Variants in C15orf61 observed in about 807,000 individuals in gnomAD.
The protein encoded by C15orf61 is chromosome 15 open reading frame 61.
Under a neutral mutation model 13.7 loss-of-function variants are expected in C15orf61, and 12 were observed. The observed-to-expected ratio is 0.88, with a 90% confidence interval of 0.56 to 1.42. The LOEUF (loss-of-function observed/expected upper bound fraction) is 1.42, where lower values mean the gene tolerates loss of function less well. Among genes scored for constraint, C15orf61 ranks in the 40% most tolerant of loss-of-function variants. C15orf61 has a pLI of 0.00. For synonymous variants in C15orf61, 92 were observed against 94.1 expected, an observed-to-expected ratio of 0.98 and a Z score of 0.13; for missense variants, 248 against 213.2, an observed-to-expected ratio of 1.16 and a Z score of -1.02.
Position 67,526,499 on chromosome 15 carries a change from T to A in C15orf61, c.428T>A (p.Ile143Lys), listed in dbSNP as rs1464745185. ...TETVHTSYGPITVYFLNKEDE... is the reference protein window; with the variant it reads ...TETVHTSYGPKTVYFLNKEDE... Reference sequence around the variant, plus strand: ...ACTGTGCATACCAGTTATGGACCCATAACAGTTTATTTTCTCAATAAAGAA... The same window carrying A: ...ACTGTGCATACCAGTTATGGACCCAAAACAGTTTATTTTCTCAATAAAGAA... Residue 143 changes from isoleucine to lysine, a missense_variant, in exon 2 of 2, where the codon ATA (isoleucine) becomes AAA (lysine). By Grantham distance (102) the Ile-to-Lys change is moderately radical. Transcript: ENST00000342683. 6.5e-7 allele frequency: 1 copy of A among 1,540,920 alleles called. No individual in the cohort carries two copies. The highest frequency in any genetic ancestry group is 8.8e-7 in the Non-Finnish European group (1 of 1,140,328).
chr15:67,521,889 G>C (rs770802205), intron 1 of C15orf61: 7 of 655,034 alleles, frequency 1.1e-5, no homozygotes, highest in Non-Finnish European at 1.9e-5. Context: ...CCTGGCCTGG[G>C]CAGTAAGCCA....
At chr15:67,522,106 A>C in intron 1 of C15orf61, 1 of 701,814 alleles carries the variant, frequency 1.4e-6, no homozygotes, top group Non-Finnish European at 2.6e-6. Flanking sequence ...TTCACCAGAC[A>C]TAACAGCTTC....
At position 67,526,407 on chromosome 15, in the gene C15orf61, T is replaced by C; in HGVS notation, c.347-11T>C. The C allele has an allele frequency of 6.7e-7, 1 of 1,501,210 alleles. No homozygotes were observed. Among genetic ancestry groups the C allele is most frequent in the Non-Finnish European group, 9.0e-7 (1 of 1,106,514 alleles). The allele number at this position is 1,501,210 out of a possible 1,614,324, so 93.0% of individuals were successfully genotyped here. A position where few individuals can be genotyped will look rare whatever the true frequency, so the allele number is the denominator to read the frequency against. ...AGCATTGATGTTTATACATATTCGT[T>C]TGTTTTCTAGGTATTCCAACTTTAT... On this transcript the variant is annotated splice_polypyrimidine_tract_variant and intron_variant, in intron 1 of 1. Transcript: ENST00000342683.
At chr15:67,524,150 C>T (rs951148905) in intron 1 of C15orf61, among the ~76,000 whole-genome samples, 1 of 152,128 alleles carries the variant, frequency 6.6e-6, no homozygotes, top group African/African-American at 2.4e-5. Flanking sequence ...AATTTATATA[C>T]TTAGCCTTGG....
In C15orf61 at chr15:67,526,658, T is replaced by C; in HGVS notation, c.*113T>C. The C allele has an allele frequency of 9.3e-7, 1 of 1,075,778 alleles. No individual in the cohort carries two copies. The highest frequency in any genetic ancestry group is 1.3e-6 in the Non-Finnish European group (1 of 799,932). 66.6% of individuals were successfully genotyped at this position (1,075,778 alleles called of 1,614,324 possible). ...TGCAAATACTTTTTTCTTTCTACAG[T>C]ATCTGCTTCTTTAAGATGAATCATT... On this transcript the variant is annotated 3_prime_UTR_variant, in exon 2 of 2. Coordinates refer to ENST00000342683, the MANE Select transcript of C15orf61 (RefSeq NM_001143936.2).
rs568971983 is a variant in C15orf61, at chr15:67,525,010, A to AT, written c.347-1402dup. Among the ~76,000 whole-genome samples the AT allele has an allele frequency of 6.6e-6, 1 of 151,580 alleles. No homozygotes were observed. Among genetic ancestry groups the AT allele is most frequent in the Non-Finnish European group, 1.5e-5 (1 of 67,918 alleles). ...CGCCATCACGCCCAGCTAATTTTGTATTTTTTGTAGAGACGGGGTTTCTCC... is the reference window on the plus strand; with the variant it reads ...CGCCATCACGCCCAGCTAATTTTGTATTTTTTTGTAGAGACGGGGTTTCTCC... On this transcript the variant is annotated intron_variant, in intron 1 of 1. Coordinates refer to ENST00000342683, the MANE Select transcript of C15orf61 (RefSeq NM_001143936.2). The surrounding 1 kb of genome is among the most constrained non-coding windows in gnomAD (Gnocchi z 4.9).
At chr15:67,523,864 G>A (rs1567252950) in intron 1 of C15orf61, among the ~76,000 whole-genome samples, 1 of 151,908 alleles carries the variant, frequency 6.6e-6, no homozygotes, top group East Asian at 1.9e-4. Flanking sequence ...AGACAGCAAG[G>A]GGAAAAAAAT....
chr15:67,526,562 A>T lies in C15orf61; in HGVS notation c.*17A>T. The T allele has an allele frequency of 6.7e-7, 1 of 1,495,878 alleles. No homozygotes were observed. The allele number at this position is 1,495,878 out of a possible 1,614,324, so 92.7% of individuals were successfully genotyped here. A position where few individuals can be genotyped will look rare whatever the true frequency, so the allele number is the denominator to read the frequency against. ...ATGTATTGAAAGTGTGCGTCAAAGA[A>T]CATAAATATCAGTGGATTTTCTCTG... On this transcript the variant is annotated 3_prime_UTR_variant, in exon 2 of 2. Coordinates refer to ENST00000342683, the MANE Select transcript of C15orf61 (RefSeq NM_001143936.2).
intron 1 of C15orf61, chr15:67,521,846 C>T (rs1216827733): frequency 3.3e-6 from 2 of 614,448 alleles, no homozygotes; most frequent in Non-Finnish European, 5.7e-6. Context: ...GCGGGTCGCC[C>T]TCCTGTCCTG....
Position 67,521,407 on chromosome 15 carries a change from G to T in C15orf61, c.159G>T (p.Val53=). ...RRLPHWTSFC[V]PYSAVRNDQF... is the part of the protein sequence containing the mutation. ...TGCCGCACTGGACCTCCTTCTGCGT[G>T]CCCTACAGCGCCGTCCGCAACGACC... The change falls in exon 1 of 2, where the codon GTG becomes GTT. Residue 53 remains valine (V), a synonymous_variant. Transcript: ENST00000342683. 2.6e-6 allele frequency: 4 copies of T among 1,543,502 alleles called. No homozygotes were observed. The highest frequency in any genetic ancestry group is 3.5e-6 in the Non-Finnish European group (4 of 1,146,526).
chr15:67,528,368 A>G lies in C15orf61; in HGVS notation c.*1823A>G, dbSNP rs910280098. On this transcript the variant is annotated 3_prime_UTR_variant, in exon 2 of 2. Transcript: ENST00000342683. The stretch of plus-strand genomic sequence containing the variant: ...TCTGTAATTCTCTGCTGCTTGCAGC[A>G]TTAAACAGGGCCTTGATTTCTTGTC... 1.3e-5 allele frequency: 2 copies of G among 152,248 alleles called. No individual in the cohort carries two copies. Among genetic ancestry groups the G allele is most frequent in the Non-Finnish European group, 2.9e-5 (2 of 68,038 alleles). 9.4% of individuals were successfully genotyped at this position (152,248 alleles called of 1,614,324 possible).
Position 67,526,431 on chromosome 15 carries a change from A to T in C15orf61, c.360A>T (p.Leu120Phe). ...TTTGTTTTCTAGGTATTCCAACTTTATTATATGGACTTGGCTCCTGGTTAT... is the reference window on the plus strand; with the variant it reads ...TTTGTTTTCTAGGTATTCCAACTTTTTTATATGGACTTGGCTCCTGGTTAT... ...LKVVNLGIPT[L>F]LYGLGSWLFA... Residue 120 changes from leucine (L) to phenylalanine (F), a missense_variant, in exon 2 of 2, where the codon TTA becomes TTT. Coordinates refer to ENST00000342683, the MANE Select transcript of C15orf61 (RefSeq NM_001143936.2). 1 of 1,528,830 alleles carries T rather than the reference A, an allele frequency of 6.5e-7. No individual in the cohort carries two copies. The highest frequency in any genetic ancestry group is 8.9e-7 in the Non-Finnish European group (1 of 1,127,976). 94.7% of individuals were successfully genotyped at this position (1,528,830 alleles called of 1,614,324 possible).
At position 67,527,197 on chromosome 15, in the gene C15orf61, T is replaced by A. The variant is rs2084203667; in HGVS notation, c.*652T>A. 1 of 152,180 alleles carries A rather than the reference T, an allele frequency of 6.6e-6. No homozygotes were observed. Among genetic ancestry groups the A allele is most frequent in the Non-Finnish European group, 1.5e-5 (1 of 68,004 alleles). The allele number at this position is 152,180 out of a possible 1,614,324, so 9.4% of individuals were successfully genotyped here. On this transcript the variant is annotated 3_prime_UTR_variant, in exon 2 of 2. Coordinates refer to ENST00000342683, the MANE Select transcript of C15orf61 (RefSeq NM_001143936.2). ...ATAAGTGTAGCAAGGTGAATGAAAC[T>A]CAGACTTATTAAAAGTTAAAACAGC...
rs144572201 is a variant in C15orf61 at position 67,525,774 on chromosome 15, G to A, written c.347-644G>A. ...TCACACCTGTAATCCCAGCACTTTC[G>A]GAGGCCTAGGCCCAGGATCACAAGG... On this transcript the variant is annotated intron_variant, in intron 1 of 1. Transcript: ENST00000342683. The surrounding 1 kb of genome is among the most constrained non-coding windows in gnomAD (Gnocchi z 4.9). Among the ~76,000 whole-genome samples the A allele has an allele frequency of 3.4e-3, 519 of 152,260 alleles. 1 individual carries two copies. The highest frequency in any genetic ancestry group is 5.2e-3 in the African/African-American group (214 of 41,544).
rs529047844 is a variant in C15orf61, at chr15:67,525,168, C to G, written c.347-1250C>G. On this transcript the variant is annotated intron_variant, in intron 1 of 1. Coordinates refer to ENST00000342683, the MANE Select transcript of C15orf61 (RefSeq NM_001143936.2). The surrounding 1 kb of genome is among the most constrained non-coding windows in gnomAD (Gnocchi z 4.9). ...TTATTACTAGAAAGAAAGTGATTTTCCAAATGTACAGCTATCCTTTTAAAG... is the reference window on the plus strand; with the variant it reads ...TTATTACTAGAAAGAAAGTGATTTTGCAAATGTACAGCTATCCTTTTAAAG... Among the ~76,000 whole-genome samples, 2 of 152,294 alleles carry G rather than the reference C, an allele frequency of 1.3e-5. No individual in the cohort carries two copies. The highest frequency in any genetic ancestry group is 1.3e-4 in the Admixed American group (2 of 15,294).
intron 1 of C15orf61, among the ~76,000 whole-genome samples, chr15:67,522,489 T>C (rs894370280): frequency 6.6e-6 from 1 of 152,278 alleles, no homozygotes; most frequent in Non-Finnish European, 1.5e-5. Flanking sequence ...TTAAAAATAG[T>C]CTGTGTATTT....
At position 67,528,636 on chromosome 15, in the gene C15orf61, A is replaced by G. The variant is rs1192937177; in HGVS notation, c.*2091A>G. On this transcript the variant is annotated 3_prime_UTR_variant, in exon 2 of 2. Transcript: ENST00000342683. ...TTAAGTTTTTTCTTTAAAGCTGCAT[A>G]TTACACCAAAGTATTATGGCCTGAA... The G allele has an allele frequency of 6.6e-6, 1 of 152,188 alleles. No homozygotes were observed. The highest frequency in any genetic ancestry group is 2.4e-5 in the African/African-American group (1 of 41,440). 9.4% of individuals were successfully genotyped at this position (152,188 alleles called of 1,614,324 possible). A position where few individuals can be genotyped will look rare whatever the true frequency, so the allele number is the denominator to read the frequency against.
Position 67,526,779 on chromosome 15 carries a change from T to C in C15orf61, c.*234T>C, listed in dbSNP as rs951831814. ...AACACATGAAGCTTCACACCATTTT[T>C]TCCCTAGAACTAGGTTAACCTACAG... is the stretch of plus-strand genomic sequence containing the variant. On this transcript the variant is annotated 3_prime_UTR_variant, in exon 2 of 2. Transcript: ENST00000342683. 1 of 314,852 alleles carries C rather than the reference T, an allele frequency of 3.2e-6. No homozygotes were observed. Among genetic ancestry groups the C allele is most frequent in the Non-Finnish European group, 5.7e-6 (1 of 174,210 alleles). 19.5% of individuals were successfully genotyped at this position (314,852 alleles called of 1,614,324 possible). A position where few individuals can be genotyped will look rare whatever the true frequency, so the allele number is the denominator to read the frequency against.
At chr15:67,521,974 C>A in intron 1 of C15orf61, 1 of 693,452 alleles carries the variant, frequency 1.4e-6, no homozygotes, top group Non-Finnish European at 2.6e-6. Flanking sequence ...AGGACTCATT[C>A]CCGTGAACAT....
Sources: gnomAD v4.1 joint callset for allele counts (sites outside exome capture counted in the v4.1 genomes callset) on GRCh38, gnomAD v4.1.1 for gene constraint, Gnocchi (gnomAD v3.1) non-coding constraint, MANE v1.5 for transcripts, NCBI Gene and HGNC (gene_info 2026-07-23, HGNC 2026-07-21) for gene names.